Variants in GPR158 observed in about 807,000 individuals in gnomAD.
GPR158 encodes G protein-coupled receptor 158.
Under a neutral mutation model 78.2 loss-of-function variants are expected in GPR158, and 30 were observed. The observed-to-expected ratio is 0.38, with a 90% CI of 0.29 to 0.52. The LOEUF (loss-of-function observed/expected upper bound fraction) is 0.52, where lower values mean the gene tolerates loss of function less well. Ranked by LOEUF, GPR158 falls within the 20% of genes least tolerant of loss-of-function variation. The probability of loss-of-function intolerance (pLI) is 0.83; values close to 1 mark genes in which losing one functional copy is unlikely to be tolerated. For synonymous variants in GPR158, 581 were observed against 591.1 expected (o/e 0.98, Z 0.25); for missense variants, 1,463 against 1,523.5 (o/e 0.96, Z 0.66).
chr10:25,274,983 T>C (rs1854164317), intron 2 of GPR158, among the ~76,000 whole-genome samples: 1 of 152,194 alleles, frequency 6.6e-6, no homozygotes, highest in Non-Finnish European at 1.5e-5. Context: ...TGTTTCCTTA[T>C]TTGAAAATTA....
At chr10:25,357,229 G>A (rs1487309040) in intron 2 of GPR158, among the ~76,000 whole-genome samples, 2 of 152,040 alleles carry the variant, frequency 1.3e-5, no homozygotes, top group African/African-American at 4.8e-5. Context: ...TTTTATAAGG[G>A]GAGAAGATCA....
At chr10:25,404,318 A>G (rs530226365) in intron 3 of GPR158, among the ~76,000 whole-genome samples, 12 of 152,176 alleles carry the variant, frequency 7.9e-5, no homozygotes, top group Non-Finnish European at 1.5e-4. Flanking sequence ...AGTTAAATAC[A>G]TTGTTAAAGA....
chr10:25,176,306 C>T lies in GPR158; in HGVS notation c.886C>T (p.Leu296=). 2 of 1,583,996 alleles carry T rather than the reference C, an allele frequency of 1.3e-6. No homozygotes were observed. Among genetic ancestry groups the T allele is most frequent in the Non-Finnish European group, 1.7e-6 (2 of 1,165,322 alleles). The change falls in exon 1 of 11, where the codon CTG becomes TTG. Residue 296 remains leucine, a synonymous_variant. Transcript: ENST00000376351. This position sits in a 1 kb window ranked among gnomAD's most constrained non-coding sequence, Gnocchi z 6.3. ...TGCCATCTACGGGTTGCAGCCTAAC[C>T]TGGTCCCGGAATTCAGGTAGGGAGG... ...SSAIYGLQPN[L]VPEFRGVMKV...
At chr10:25,595,820 T>C (rs1004280016) in intron 9 of GPR158, among the ~76,000 whole-genome samples, 2 of 152,224 alleles carry the variant, frequency 1.3e-5, no homozygotes, top group Non-Finnish European at 2.9e-5. Flanking sequence ...GTGATGATGG[T>C]TGCACAACCT....
At chr10:25,368,558 G>T (rs551448740) in intron 2 of GPR158, among the ~76,000 whole-genome samples, 20 of 151,908 alleles carry the variant, frequency 1.3e-4, no homozygotes, top group African/African-American at 4.1e-4. Flanking sequence ...CAGTAAGAAT[G>T]GCTATTATTA....
chr10:25,244,885 A>G (rs1469781650), intron 2 of GPR158: 1 of 151,404 alleles, frequency 6.6e-6, no homozygotes, highest in African/African-American at 2.4e-5. Context: ...CTTGGTACTT[A>G]ACCTCTTTTC....
At chr10:25,473,273 A>T (rs1334680495) in intron 5 of GPR158, among the ~76,000 whole-genome samples, 1 of 152,030 alleles carries the variant, frequency 6.6e-6, no homozygotes, top group Non-Finnish European at 1.5e-5. Flanking sequence ...ATTTGCGTAT[A>T]TTGAACCAGC....
chr10:25,198,973 A>G (rs1174553917), intron 1 of GPR158, among the ~76,000 whole-genome samples: 2 of 151,720 alleles, frequency 1.3e-5, no homozygotes, highest in African/African-American at 4.9e-5. Flanking sequence ...TATTTGCTAT[A>G]AGAGAGCATG....
chr10:25,292,391 C>G (rs1200510334), intron 2 of GPR158, among the ~76,000 whole-genome samples: 1 of 152,024 alleles, frequency 6.6e-6, no homozygotes, highest in Admixed American at 6.5e-5. Context: ...TTAAAAATAA[C>G]CTTTCAGGGT....
chr10:25,408,737 CT>C (rs1348537847), intron 3 of GPR158, among the ~76,000 whole-genome samples: 1 of 152,146 alleles, frequency 6.6e-6, no homozygotes, highest in Non-Finnish European at 1.5e-5. Flanking sequence ...CAATGGATAC[CT>C]TTTTTTCATC....
chr10:25,527,438 GTTAAC>G (rs1175810328), intron 5 of GPR158, among the ~76,000 whole-genome samples: 5 of 152,072 alleles, frequency 3.3e-5, no homozygotes, highest in African/African-American at 1.2e-4. Flanking sequence ...TCAATGATAT[GTTAAC>G]TTAAAAGCCC....
chr10:25,223,802 A>T (rs1588743550), intron 2 of GPR158, among the ~76,000 whole-genome samples: 2 of 152,190 alleles, frequency 1.3e-5, no homozygotes, highest in Admixed American at 6.6e-5. Flanking sequence ...AAAGACACTC[A>T]TCTTGGTTTA....
At chr10:25,366,016 T>A (rs1333698327) in intron 2 of GPR158, among the ~76,000 whole-genome samples, 1 of 151,740 alleles carries the variant, frequency 6.6e-6, no homozygotes, top group Non-Finnish European at 1.5e-5. Context: ...CAACATTGAG[T>A]GATTAAAAGA....
intron 5 of GPR158, among the ~76,000 whole-genome samples, chr10:25,517,388 G>T (rs1182673618): frequency 6.6e-6 from 1 of 152,000 alleles, no homozygotes; most frequent in East Asian, 1.9e-4. Flanking sequence ...GATTGCCCTG[G>T]CCAGAACTTC....
chr10:25,335,685 T>C (rs910115607), intron 2 of GPR158, among the ~76,000 whole-genome samples: 1 of 152,046 alleles, frequency 6.6e-6, no homozygotes, highest in African/African-American at 2.4e-5. Context: ...GTAAAACAAT[T>C]TTAGCATTTT....
At chr10:25,497,535 G>A (rs181593583) in intron 5 of GPR158, among the ~76,000 whole-genome samples, 7 of 152,284 alleles carry the variant, frequency 4.6e-5, no homozygotes, top group African/African-American at 1.7e-4. Context: ...TAGTACTAGC[G>A]TGTAGACAGA....
At chr10:25,413,493 G>C (rs1368942460) in intron 4 of GPR158, among the ~76,000 whole-genome samples, 1 of 152,174 alleles carries the variant, frequency 6.6e-6, no homozygotes, top group Non-Finnish European at 1.5e-5. Context: ...TGATTCTGAT[G>C]CTTGCAGAAA....
At position 25,257,139 on chromosome 10, in the gene GPR158, A is replaced by G. The variant is rs1443443774; in HGVS notation, c.1008+35982A>G. Among the ~76,000 whole-genome samples, 3 of 152,216 alleles carry G rather than the reference A, an allele frequency of 2.0e-5. No homozygotes were observed. The South Asian group carries it at 6.2e-4, about 31-fold the overall frequency. On this transcript the variant is annotated intron_variant, in intron 2 of 10. Transcript: ENST00000376351. ...ATAGAATTGGCATCTGGTGAGGATC[A>G]TCCCACAGCAGAAAGGGAGAAGATG...
intron 4 of GPR158, among the ~76,000 whole-genome samples, chr10:25,462,072 G>A (rs1419196546): frequency 6.6e-6 from 1 of 152,112 alleles, no homozygotes; most frequent in Non-Finnish European, 1.5e-5. Flanking sequence ...AGAAGTCAAT[G>A]CCTGGCTTCA....
Sources: gnomAD v4.1 joint callset for allele counts (sites outside exome capture counted in the v4.1 genomes callset) on GRCh38, gnomAD v4.1.1 for gene constraint, Gnocchi (gnomAD v3.1) non-coding constraint, MANE v1.5 for transcripts, NCBI Gene and HGNC (gene_info 2026-07-23, HGNC 2026-07-21) for gene names.